Variants in INTS2 observed in about 807,000 individuals in gnomAD.
INTS2 encodes integrator complex subunit 2.
In INTS2, 57 loss-of-function variants were observed where a neutral mutation model predicts 139.6. That is an observed-to-expected ratio of 0.41 (90% CI 0.33 to 0.51). The LOEUF is 0.51. Ranked by LOEUF, INTS2 falls within the 20% of genes least tolerant of loss-of-function variation. The pLI, the probability that INTS2 is intolerant of heterozygous loss-of-function variation, is 0.28. For synonymous variants in INTS2, 473 were observed against 493.4 expected, an observed-to-expected ratio of 0.96 and a Z score of 0.55; for missense variants, 1,196 against 1,436.7, an observed-to-expected ratio of 0.83 and a Z score of 2.71.
chr17:61,894,574 G>A (rs567345388), intron 12 of INTS2, among the ~76,000 whole-genome samples: 9 of 152,254 alleles, frequency 5.9e-5, no homozygotes, highest in African/African-American at 1.9e-4. Flanking sequence ...ACAACTGGCC[G>A]GGTGCAGTGG....
At position 61,891,433 on chromosome 17, in the gene INTS2, T is replaced by G; in HGVS notation, c.1875+80A>C. 17 of 1,082,852 alleles carry G rather than the reference T, an allele frequency of 1.6e-5. No homozygotes were observed. The South Asian group carries it at 2.1e-4, about 13-fold the overall frequency. 67.1% of individuals were successfully genotyped at this position (1,082,852 alleles called of 1,614,324 possible). On this transcript the variant is annotated intron_variant, in intron 14 of 24. Transcript: ENST00000251334. ...TCAGAACTACCTAGAAGTCCTCTGA[T>G]AGGAAAATAAAAATATGGGTTAAGT...
At chr17:61,927,312 C>T (rs1036610402) in intron 1 of INTS2, 1 of 159,458 alleles carries the variant, frequency 6.3e-6, no homozygotes, top group Non-Finnish European at 1.4e-5. Context: ...GAGAAAGACG[C>T]GTCTCATTAG....
In INTS2 at chr17:61,872,310, C is replaced by T. The variant is rs1319638758; in HGVS notation, c.2733G>A (p.Pro911=). 20 of 1,612,758 alleles carry T rather than the reference C, an allele frequency of 1.2e-5. No individual in the cohort carries two copies. The highest frequency in any genetic ancestry group is 1.4e-5 in the Non-Finnish European group (17 of 1,179,234). The change falls in exon 20 of 25, where the codon CCG becomes CCA. Residue 911 remains proline (P), a synonymous_variant. Coordinates refer to ENST00000251334, the MANE Select transcript of INTS2 (RefSeq NM_001351695.2). The surrounding 1 kb of genome is among the most constrained non-coding windows in gnomAD (Gnocchi z 4.8). The stretch of plus-strand genomic sequence containing the variant: ...TTTTCAATTCTTCCCTGGTAACTTC[C>T]GGAGCATCAGTTTGTCCAACTAAAC... ...TIGLVGQTDA[P]EVTREELKNA... is the part of the protein sequence containing the mutation.
intron 3 of INTS2, among the ~76,000 whole-genome samples, chr17:61,923,145 T>C (rs141574925): frequency 6.2e-4 from 94 of 151,922 alleles, no homozygotes; most frequent in East Asian, 2.7e-3. Flanking sequence ...TAATTGGTGA[T>C]GGAAATTTTA....
chr17:61,904,724 G>A (rs72843757), intron 8 of INTS2, 139 bp from the exon 9 acceptor site: 141,065 of 701,096 alleles, frequency 0.2, 15,641 homozygotes, highest in Admixed American at 0.32. Context: ...ATCTCAAGTT[G>A]CCAAATGCAA....
In INTS2 at chr17:61,893,896, C is replaced by G; in HGVS notation, c.1567G>C (p.Val523Leu). ...FTQEIFTEQVVTAHAVRVPVT... is the reference protein window; with the variant it reads ...FTQEIFTEQVLTAHAVRVPVT... ...GGGACCCGAACTGCATGAGCTGTGACAACCTAAAAGGGAAAAATAGCATTA... is the reference window on the plus strand; with the variant it reads ...GGGACCCGAACTGCATGAGCTGTGAGAACCTAAAAGGGAAAAATAGCATTA... The change falls in exon 13 of 25, where the codon GTC (valine) becomes CTC (leucine). Residue 523 changes from valine (V) to leucine (L), a missense_variant. Transcript: ENST00000251334. This position sits in a 1 kb window ranked among gnomAD's most constrained non-coding sequence, Gnocchi z 5.4. 1 of 1,558,614 alleles carries G rather than the reference C, an allele frequency of 6.4e-7. No homozygotes were observed. Among genetic ancestry groups the G allele is most frequent in the Non-Finnish European group, 8.7e-7 (1 of 1,150,636 alleles).
intron 9 of INTS2, among the ~76,000 whole-genome samples, chr17:61,902,879 A>C (rs1567907160): frequency 6.6e-6 from 1 of 150,890 alleles, no homozygotes; most frequent in South Asian, 2.1e-4. Flanking sequence ...AAAAAAAAAA[A>C]ACAGAGGCTG....
At chr17:61,916,198 G>A (rs1440283472) in intron 5 of INTS2, among the ~76,000 whole-genome samples, 1 of 152,108 alleles carries the variant, frequency 6.6e-6, no homozygotes, top group African/African-American at 2.4e-5. Flanking sequence ...ACTTTGGTAG[G>A]CTGAGGCGGG....
In INTS2 at chr17:61,876,332, C is replaced by T. The variant is rs1046418599; in HGVS notation, c.2457-1294G>A. On this transcript the variant is annotated intron_variant, in intron 18 of 24. Transcript: ENST00000251334. This position sits in a 1 kb window ranked among gnomAD's most constrained non-coding sequence, Gnocchi z 4.1. ...TGAGTGTGTGTTCCATTCACTAAAA[C>T]GAGGATATAAACCAAGAAAGAGAAA... 2.6e-5 allele frequency among the ~76,000 whole-genome samples: 4 copies of T among 151,456 alleles called. No homozygotes were observed. Among genetic ancestry groups the T allele is most frequent in the African/African-American group, 9.7e-5 (4 of 41,146 alleles).
chr17:61,914,428 A>G (rs376017035), intron 5 of INTS2, among the ~76,000 whole-genome samples: 2 of 152,076 alleles, frequency 1.3e-5, no homozygotes, highest in Admixed American at 6.6e-5. Context: ...CGCCAGGTGC[A>G]GTGGCTCACG....
chr17:61,924,793 C>T (rs1238785197), intron 3 of INTS2, among the ~76,000 whole-genome samples, 168 bp downstream of exon 3: 1 of 152,106 alleles, frequency 6.6e-6, no homozygotes. Flanking sequence ...CACACCACTG[C>T]ATTCCAGCTT....
intron 7 of INTS2, chr17:61,911,313 TA>T (rs2143106664): frequency 2.2e-6 from 1 of 455,478 alleles, no homozygotes; most frequent in East Asian, 3.3e-5. Flanking sequence ...TGTTAATTTC[TA>T]ATATGGTAAA....
intron 5 of INTS2, among the ~76,000 whole-genome samples, chr17:61,918,567 C>T (rs1429591845): frequency 6.6e-6 from 1 of 152,082 alleles, no homozygotes; most frequent in Non-Finnish European, 1.5e-5. Context: ...TGATAGAGCT[C>T]ACACAATAAG....
intron 3 of INTS2, among the ~76,000 whole-genome samples, chr17:61,924,442 G>C (rs1471247063): frequency 6.6e-6 from 1 of 152,128 alleles, no homozygotes; most frequent in East Asian, 1.9e-4. Context: ...ATAAATGAGA[G>C]AAAATGATAA....
intron 7 of INTS2, among the ~76,000 whole-genome samples, chr17:61,908,271 T>G (rs1386196717): frequency 6.6e-6 from 1 of 152,022 alleles, no homozygotes; most frequent in African/African-American, 2.4e-5. Context: ...AAAAATTAGC[T>G]GGGTGTGGTG....
rs201055138 is a variant in INTS2 at position 61,878,002 on chromosome 17, A to G, written c.2341T>C (p.Tyr781His). ...ATATTGGATGTTAACACTTCCGCAT[A>G]TGGTATAAGTTCACTGGCAGAGAGT... ...TLLSASELIP[Y>H]AEVLTSNMSQ... Residue 781 changes from tyrosine (Y) to histidine (H), a missense_variant, in exon 18 of 25, where the codon TAT becomes CAT. Tyr to His is a moderately conservative substitution (Grantham distance 83). Coordinates refer to ENST00000251334, the MANE Select transcript of INTS2 (RefSeq NM_001351695.2). The G allele has an allele frequency of 1.2e-6, 2 of 1,612,342 alleles. No homozygotes were observed. The highest frequency in any genetic ancestry group is 1.3e-5 in the African/African-American group (1 of 75,026).
intron 5 of INTS2, among the ~76,000 whole-genome samples, chr17:61,917,260 T>C (rs1284495781): frequency 6.6e-6 from 1 of 152,158 alleles, no homozygotes; most frequent in African/African-American, 2.4e-5. Flanking sequence ...AGAACTACCA[T>C]TCGACCCAGC....
chr17:61,914,484 G>C (rs1275549114), intron 5 of INTS2, among the ~76,000 whole-genome samples: 1 of 152,110 alleles, frequency 6.6e-6, no homozygotes, highest in Non-Finnish European at 1.5e-5. Flanking sequence ...CGCATCACGA[G>C]GTCAGGAGAT....
chr17:61,898,624 A>C (rs1407110442), intron 9 of INTS2, among the ~76,000 whole-genome samples: 1 of 149,252 alleles, frequency 6.7e-6, no homozygotes, highest in Non-Finnish European at 1.5e-5. Flanking sequence ...GGGAATTCCT[A>C]AATTCTGAGA....
Sources: allele counts gnomAD v4.1 joint callset (sites outside exome capture counted in the v4.1 genomes callset), GRCh38; gene constraint gnomAD v4.1.1; non-coding constraint Gnocchi (gnomAD v3.1); transcripts MANE v1.5; gene names NCBI Gene and HGNC (gene_info 2026-07-23, HGNC 2026-07-21).